TSHZ2: variants seen among roughly 807,000 people sequenced by gnomAD.
TSHZ2 encodes the protein teashirt homolog 2.
A neutral mutation model predicts 74.4 loss-of-function variants in TSHZ2; 21 were observed. That is an observed-to-expected ratio of 0.28 (90% CI 0.20 to 0.41). The LOEUF is 0.41. Among genes scored for constraint, TSHZ2 ranks in the 10% least tolerant of loss-of-function variants. The pLI, the probability that TSHZ2 is intolerant of heterozygous loss-of-function variation, is 1.00. For missense variants in TSHZ2, 1,244 were observed against 1,293.5 expected, an observed-to-expected ratio of 0.96 and a Z score of 0.59; for synonymous variants, 540 against 515.3, an observed-to-expected ratio of 1.05 and a Z score of -0.65.
In TSHZ2 at chr20:53,217,821, T is replaced by G. The variant is rs577282542; in HGVS notation, c.41-35678T>G. Among the ~76,000 whole-genome samples, 111 of 152,338 alleles carry G rather than the reference T, an allele frequency of 7.3e-4. 1 individual carries two copies. The highest frequency in any genetic ancestry group is 2.6e-3 in the African/African-American group (110 of 41,572). ...AGAGTTATCTGACTTACTATCTCAT[T>G]TAAGTTTCACATAATCCTGTGATAT... On this transcript the variant is annotated intron_variant, in intron 1 of 2. Transcript: ENST00000371497.
At chr20:53,240,427 T>C in intron 1 of TSHZ2, among the ~76,000 whole-genome samples, 1 of 152,140 alleles carries the variant, frequency 6.6e-6, no homozygotes, top group East Asian at 1.9e-4. Flanking sequence ...AATTAGCACA[T>C]TTCATTTTTA....
intron 2 of TSHZ2, among the ~76,000 whole-genome samples, chr20:53,422,896 A>G (rs1983528006): frequency 6.6e-6 from 1 of 152,230 alleles, no homozygotes; most frequent in Non-Finnish European, 1.5e-5. Flanking sequence ...AATAATATCT[A>G]TACTTAACAG....
At chr20:53,029,863 G>T (rs1983575003) in intron 1 of TSHZ2, among the ~76,000 whole-genome samples, 1 of 150,968 alleles carries the variant, frequency 6.6e-6, no homozygotes, top group Non-Finnish European at 1.5e-5. Flanking sequence ...GAGTTTTTTT[G>T]ATATCTCCCA....
intron 2 of TSHZ2, among the ~76,000 whole-genome samples, chr20:53,339,115 C>G (rs1311894590): frequency 6.6e-6 from 1 of 152,226 alleles, no homozygotes; most frequent in Non-Finnish European, 1.5e-5. Context: ...TTAAATACCT[C>G]AGTCCACAAG....
chr20:53,017,279 C>T (rs1428624234), intron 1 of TSHZ2, among the ~76,000 whole-genome samples: 1 of 152,134 alleles, frequency 6.6e-6, no homozygotes, highest in Admixed American at 6.6e-5. Context: ...ACTTACAGAG[C>T]TGTTTTGATC....
intron 1 of TSHZ2, among the ~76,000 whole-genome samples, chr20:53,067,364 G>C (rs1985024959): frequency 6.6e-6 from 1 of 152,210 alleles, no homozygotes; most frequent in South Asian, 2.1e-4. Flanking sequence ...ACAACTCAAT[G>C]TGTGAAATGG....
intron 1 of TSHZ2, among the ~76,000 whole-genome samples, chr20:53,007,800 G>A (rs553853226): frequency 6.6e-6 from 1 of 151,848 alleles, no homozygotes; most frequent in Admixed American, 6.6e-5. Flanking sequence ...AGTATTTGCA[G>A]AGTGATGTGA....
intron 2 of TSHZ2, among the ~76,000 whole-genome samples, chr20:53,423,383 C>CA (rs998625782): frequency 6.6e-6 from 1 of 150,438 alleles, no homozygotes; most frequent in East Asian, 1.9e-4. Context: ...GGTTCCATCT[C>CA]AAAAAAAACA....
In TSHZ2 at chr20:53,358,891, A is replaced by G. The variant is rs921567547; in HGVS notation, c.*8+102320A>G. On this transcript the variant is annotated intron_variant, in intron 2 of 2. Transcript: ENST00000371497. ...CTCCCTTATGAAGTGACCGCTTTGA[A>G]TATTTTTCTTATTTTAAAAACCAAA... 2.0e-5 allele frequency among the ~76,000 whole-genome samples: 3 copies of G among 152,202 alleles called. No individual in the cohort carries two copies. The South Asian group carries it at 6.2e-4, about 31-fold the overall frequency.
At chr20:53,329,708 C>T (rs1459783207) in intron 2 of TSHZ2, among the ~76,000 whole-genome samples, 1 of 152,110 alleles carries the variant, frequency 6.6e-6, no homozygotes, top group Non-Finnish European at 1.5e-5. Flanking sequence ...GGAAGATATT[C>T]TAGGTAGTTT....
At chr20:53,038,908 G>GT (rs1555817877) in intron 1 of TSHZ2, among the ~76,000 whole-genome samples, 1 of 148,004 alleles carries the variant, frequency 6.8e-6, no homozygotes, top group Admixed American at 6.7e-5. Context: ...TTGTTTGTTT[G>GT]TTTTTGAGAT....
chr20:53,192,115 A>G (rs1988750208), intron 1 of TSHZ2, among the ~76,000 whole-genome samples: 1 of 152,212 alleles, frequency 6.6e-6, no homozygotes, highest in Non-Finnish European at 1.5e-5. Context: ...ACTTGGTTTT[A>G]TGAACAGGGA....
rs536995094 is a variant in TSHZ2, at chr20:53,127,986, C to T, written c.41-125513C>T. ...TCTAAAGTCTCTGTCTTTTGATTTG[C>T]AAATGAGTGTTCTTTTTTTAATACC... On this transcript the variant is annotated intron_variant, in intron 1 of 2. Transcript: ENST00000371497. Among the ~76,000 whole-genome samples, 5 of 151,318 alleles carry T rather than the reference C, an allele frequency of 3.3e-5. No homozygotes were observed. The East Asian group carries it at 9.7e-4, about 29-fold the overall frequency.
intron 2 of TSHZ2, among the ~76,000 whole-genome samples, chr20:53,320,902 A>T (rs147929415): frequency 2.6e-4 from 40 of 152,314 alleles, no homozygotes; most frequent in African/African-American, 9.6e-4. Context: ...GTTCCAGTTT[A>T]GGGTCATCAT....
intron 1 of TSHZ2, among the ~76,000 whole-genome samples, chr20:53,205,307 C>G (rs182749565): frequency 6.6e-6 from 1 of 152,242 alleles, no homozygotes; most frequent in Non-Finnish European, 1.5e-5. Context: ...TGCATTTCAG[C>G]CCAGAAATTA....
intron 1 of TSHZ2, among the ~76,000 whole-genome samples, chr20:53,156,527 G>T (rs1371254996): frequency 1.3e-5 from 2 of 152,116 alleles, no homozygotes; most frequent in Non-Finnish European, 2.9e-5. Flanking sequence ...GCAGAGCAAA[G>T]CTTATCACTC....
chr20:53,402,543 T>C (rs760320013), intron 2 of TSHZ2, among the ~76,000 whole-genome samples: 1 of 152,180 alleles, frequency 6.6e-6, no homozygotes, highest in African/African-American at 2.4e-5. Flanking sequence ...GATGCATTTC[T>C]CAAAATGTAT....
chr20:53,204,010 C>A (rs1483079322), intron 1 of TSHZ2, among the ~76,000 whole-genome samples: 1 of 150,072 alleles, frequency 6.7e-6, no homozygotes, highest in Non-Finnish European at 1.5e-5. Context: ...ATATCTCCTT[C>A]ATTTTTATAA....
At chr20:53,228,260 T>C (rs1989736283) in intron 1 of TSHZ2, among the ~76,000 whole-genome samples, 1 of 152,082 alleles carries the variant, frequency 6.6e-6, no homozygotes, top group Non-Finnish European at 1.5e-5. Flanking sequence ...TCAACGTTGA[T>C]GAAAAGGCAC....
Sources: allele counts gnomAD v4.1 joint callset (sites outside exome capture counted in the v4.1 genomes callset), GRCh38; gene constraint gnomAD v4.1.1; transcripts MANE v1.5; gene names NCBI Gene and HGNC (gene_info 2026-07-23, HGNC 2026-07-21).